GRM1: variants seen among roughly 807,000 people sequenced by gnomAD.
GRM1 encodes metabotropic glutamate receptor 1.
A neutral mutation model predicts 90.9 loss-of-function variants in GRM1; 33 were observed. The observed-to-expected ratio is 0.36, with a 90% CI of 0.28 to 0.49. The LOEUF is 0.49. GRM1 is among the 20% of genes least tolerant of loss of function. The probability of loss-of-function intolerance (pLI) is 0.99; values close to 1 mark genes in which losing one functional copy is unlikely to be tolerated. For synonymous variants in GRM1, 700 were observed against 613.2 expected (o/e 1.14, Z -2.09); for missense variants, 1,190 against 1,534.3 (o/e 0.78, Z 3.75).
intron 2 of GRM1, among the ~76,000 whole-genome samples, chr6:146,221,362 C>T (rs1780055963): frequency 6.6e-6 from 1 of 152,106 alleles, no homozygotes; most frequent in African/African-American, 2.4e-5. Context: ...CACCCGCTGA[C>T]AGGCCCCAGT....
chr6:146,342,647 G>A (rs1415497788), intron 3 of GRM1, among the ~76,000 whole-genome samples: 1 of 152,182 alleles, frequency 6.6e-6, no homozygotes, highest in African/African-American at 2.4e-5. Flanking sequence ...CGTTTCATAA[G>A]TCCTTGTGAG....
chr6:146,383,395 A>G (rs545700790), intron 5 of GRM1, among the ~76,000 whole-genome samples: 1 of 152,294 alleles, frequency 6.6e-6, no homozygotes, highest in South Asian at 2.1e-4. Context: ...TTGAAGTGAC[A>G]TACAATAATT....
intron 2 of GRM1, among the ~76,000 whole-genome samples, chr6:146,199,216 A>T (rs547786142): frequency 3.3e-5 from 5 of 152,272 alleles, no homozygotes; most frequent in Non-Finnish European, 7.4e-5. Flanking sequence ...GGGTTGTCTA[A>T]CTGCACATAA....
At chr6:146,153,013 G>A (rs1218327128) in intron 1 of GRM1, among the ~76,000 whole-genome samples, 3 of 152,168 alleles carry the variant, frequency 2.0e-5, no homozygotes, top group African/African-American at 7.2e-5. Flanking sequence ...ATGGGATTGG[G>A]GAAAGGCAGA....
chr6:146,329,071 TCTC>T (rs1441347890), intron 3 of GRM1, among the ~76,000 whole-genome samples: 3 of 152,178 alleles, frequency 2.0e-5, no homozygotes, highest in African/African-American at 4.8e-5. Context: ...ACATCTTTGA[TCTC>T]CTCCTGAGGA....
chr6:146,064,932 T>G (rs1775798102), intron 1 of GRM1, among the ~76,000 whole-genome samples: 1 of 152,106 alleles, frequency 6.6e-6, no homozygotes, highest in Non-Finnish European at 1.5e-5. Context: ...ATCTAAATAC[T>G]AGATGGCAGT....
At chr6:146,430,645 GTATT>G (rs765166636) in intron 7 of GRM1, among the ~76,000 whole-genome samples, 41 of 152,164 alleles carry the variant, frequency 2.7e-4, no homozygotes, top group Non-Finnish European at 4.6e-4. Flanking sequence ...TTTTTATAAT[GTATT>G]TATTCTTTCT....
At chr6:146,104,986 G>T (rs2128871728) in intron 1 of GRM1, among the ~76,000 whole-genome samples, 1 of 152,278 alleles carries the variant, frequency 6.6e-6, no homozygotes, top group East Asian at 1.9e-4. Flanking sequence ...GAGGGGATCT[G>T]CTGTGTTCTG....
intron 3 of GRM1, among the ~76,000 whole-genome samples, chr6:146,337,513 G>C (rs118174893): frequency 0.011 from 1,735 of 152,262 alleles, 74 homozygotes; most frequent in East Asian, 0.079. Flanking sequence ...GAAAGTAAGG[G>C]ATAGGGATAT....
intron 5 of GRM1, among the ~76,000 whole-genome samples, chr6:146,382,952 A>G (rs1776370267): frequency 6.6e-6 from 1 of 152,152 alleles, no homozygotes; most frequent in Non-Finnish European, 1.5e-5. Flanking sequence ...AATTAGAGGC[A>G]TGGTATATAA....
intron 2 of GRM1, among the ~76,000 whole-genome samples, chr6:146,285,709 T>G (rs1452247554): frequency 6.6e-6 from 1 of 152,198 alleles, no homozygotes; most frequent in Non-Finnish European, 1.5e-5. Flanking sequence ...TTGTAAGAGT[T>G]GTGATACAGT....
intron 5 of GRM1, among the ~76,000 whole-genome samples, chr6:146,379,902 C>G: frequency 6.6e-6 from 1 of 151,142 alleles, no homozygotes; most frequent in Admixed American, 6.6e-5. Flanking sequence ...GTTCTCTTCC[C>G]TTACTTTCTC....
At chr6:146,203,038 C>CA (rs1056611247) in intron 2 of GRM1, among the ~76,000 whole-genome samples, 85 of 151,656 alleles carry the variant, frequency 5.6e-4, no homozygotes, top group Non-Finnish European at 9.6e-4. Flanking sequence ...ACTAAAAATA[C>CA]AAAAAATTAG....
intron 1 of GRM1, among the ~76,000 whole-genome samples, chr6:146,122,678 TTTTAA>T (rs1354512953): frequency 6.6e-6 from 1 of 152,040 alleles, no homozygotes; most frequent in Non-Finnish European, 1.5e-5. Context: ...TTGGTATTCA[TTTTAA>T]TTTTACATTT....
At chr6:146,270,720 C>T (rs1056036133) in intron 2 of GRM1, among the ~76,000 whole-genome samples, 5 of 152,144 alleles carry the variant, frequency 3.3e-5, no homozygotes, top group African/African-American at 1.2e-4. Flanking sequence ...AAACTACAAA[C>T]TAATTTTCAT....
At chr6:146,244,376 T>G (rs1221249029) in intron 2 of GRM1, among the ~76,000 whole-genome samples, 4 of 152,194 alleles carry the variant, frequency 2.6e-5, no homozygotes, top group African/African-American at 9.7e-5. Context: ...ATCTTCACAA[T>G]TTATGTTCTT....
At chr6:146,367,101 T>G (rs573870431) in intron 5 of GRM1, among the ~76,000 whole-genome samples, 12 of 151,754 alleles carry the variant, frequency 7.9e-5, no homozygotes, top group African/African-American at 2.9e-4. Context: ...AGGGGTTTAG[T>G]TTTTTTTTCT....
At chr6:146,141,398 A>G (rs918522382) in intron 1 of GRM1, among the ~76,000 whole-genome samples, 1 of 151,628 alleles carries the variant, frequency 6.6e-6, no homozygotes, top group African/African-American at 2.4e-5. Context: ...GTATTCTATA[A>G]CTTTCTTGTA....
intron 1 of GRM1, among the ~76,000 whole-genome samples, chr6:146,154,257 G>A (rs370092716): frequency 1.4e-4 from 21 of 152,162 alleles, no homozygotes; most frequent in African/African-American, 4.6e-4. Flanking sequence ...CTGACAGGCC[G>A]ACAGTGACTT....
Sources: allele counts gnomAD v4.1 joint callset (sites outside exome capture counted in the v4.1 genomes callset), GRCh38; gene constraint gnomAD v4.1.1; transcripts MANE v1.5; gene names NCBI Gene and HGNC (gene_info 2026-07-23, HGNC 2026-07-21).